Variants in ADAMTSL3 observed in about 807,000 individuals in gnomAD.
ADAMTSL3 encodes ADAMTS-like protein 3.
Under a neutral mutation model 201.7 loss-of-function variants are expected in ADAMTSL3, and 128 were observed. The ratio of observed to expected loss-of-function variants is 0.63; its 90% CI spans 0.55 to 0.73. The LOEUF is 0.73. Ranked by LOEUF, ADAMTSL3 falls within the 30% of genes least tolerant of loss-of-function variation. The pLI is 0.00. For missense variants in ADAMTSL3, 1,990 were observed against 2,119.6 expected (o/e 0.94, Z 1.20); for synonymous variants, 738 against 748.4 (o/e 0.99, Z 0.23).
At chr15:83,668,266 T>C (rs1366569952) in intron 2 of ADAMTSL3, among the ~76,000 whole-genome samples, 1 of 151,114 alleles carries the variant, frequency 6.6e-6, no homozygotes, top group African/African-American at 2.4e-5. Flanking sequence ...ACAGAAAATA[T>C]TCAACAATAT....
At chr15:83,890,349 C>T in intron 11 of ADAMTSL3, 102 bp downstream of exon 11, 1 of 1,443,208 alleles carries the variant, frequency 6.9e-7, no homozygotes, top group Non-Finnish European at 9.3e-7. Context: ...CATTTCCTGG[C>T]TTTGTCTACT....
At chr15:83,948,888 A>AT (rs1308817461) in intron 19 of ADAMTSL3, among the ~76,000 whole-genome samples, 35 of 152,206 alleles carry the variant, frequency 2.3e-4, no homozygotes, top group African/African-American at 8.2e-4. Context: ...TTGTGGGTAT[A>AT]TAGTAAATAT....
intron 2 of ADAMTSL3, among the ~76,000 whole-genome samples, chr15:83,673,605 C>T (rs759883816): frequency 2.0e-5 from 3 of 152,150 alleles, no homozygotes; most frequent in Non-Finnish European, 4.4e-5. Context: ...TAGATGTTAA[C>T]AGTTTTTTTT....
At chr15:83,708,601 C>G (rs1259034198) in intron 3 of ADAMTSL3, among the ~76,000 whole-genome samples, 1 of 152,206 alleles carries the variant, frequency 6.6e-6, no homozygotes, top group East Asian at 1.9e-4. Context: ...TTGCTTCTAC[C>G]ACTAATCAGC....
chr15:83,990,412 T>C (rs1010871596), intron 22 of ADAMTSL3, among the ~76,000 whole-genome samples: 1 of 152,222 alleles, frequency 6.6e-6, no homozygotes, highest in Non-Finnish European at 1.5e-5. Context: ...TCTGCACCCC[T>C]ACACCTTGTG....
At chr15:83,913,501 A>G (rs879737457) in intron 16 of ADAMTSL3, 123 bp downstream of exon 16, 1 of 968,310 alleles carries the variant, frequency 1.0e-6, no homozygotes, top group Non-Finnish European at 1.5e-6. Context: ...AGTCATTCAA[A>G]TAACTGAAAA....
In ADAMTSL3 at chr15:83,959,073, T is replaced by C. The variant is rs1389560016; in HGVS notation, c.2491-11411T>C. The stretch of plus-strand genomic sequence containing the variant: ...ACAGAACAAAACTTAATGGCTCAAA[T>C]TGCCATATTGAAAGGGCACTCTATA... On this transcript the variant is annotated intron_variant, in intron 19 of 29. Transcript: ENST00000286744. 4.6e-5 allele frequency among the ~76,000 whole-genome samples: 7 copies of C among 152,262 alleles called. No homozygotes were observed. The East Asian group carries it at 1.3e-3, about 29-fold the overall frequency.
intron 6 of ADAMTSL3, among the ~76,000 whole-genome samples, chr15:83,835,609 A>G (rs2064252729): frequency 6.6e-6 from 1 of 152,314 alleles, no homozygotes; most frequent in South Asian, 2.1e-4. Context: ...GCTCAGGGAC[A>G]TGAATGTGTG....
chr15:83,693,889 A>G (rs985945602), intron 2 of ADAMTSL3, among the ~76,000 whole-genome samples: 3 of 152,218 alleles, frequency 2.0e-5, no homozygotes, highest in Admixed American at 6.5e-5. Flanking sequence ...GTGAACCCCA[A>G]GAATTAACCT....
chr15:83,826,615 C>G (rs183038267), intron 6 of ADAMTSL3, among the ~76,000 whole-genome samples: 11 of 151,242 alleles, frequency 7.3e-5, no homozygotes, highest in African/African-American at 2.7e-4. Context: ...CACCCATTAA[C>G]TCGTCATTTA....
chr15:83,759,844 A>T (rs1234435870), intron 3 of ADAMTSL3, among the ~76,000 whole-genome samples: 1 of 152,160 alleles, frequency 6.6e-6, no homozygotes, highest in Non-Finnish European at 1.5e-5. Context: ...ATATTTCATA[A>T]TATGAAATAT....
At chr15:83,968,995 G>T (rs973562315) in intron 19 of ADAMTSL3, among the ~76,000 whole-genome samples, 2 of 152,102 alleles carry the variant, frequency 1.3e-5, no homozygotes, top group Non-Finnish European at 2.9e-5. Flanking sequence ...ACACACTGGG[G>T]CCTGTCAGGG....
At position 83,822,406 on chromosome 15, in the gene ADAMTSL3, T is replaced by C. The variant is rs1228200678; in HGVS notation, c.600+2359T>C. 5.0e-4 allele frequency among the ~76,000 whole-genome samples: 53 copies of C among 105,410 alleles called. 1 individual carries two copies. The highest frequency in any genetic ancestry group is 1.1e-3 in the African/African-American group (28 of 26,336). The allele number at this position is 105,410 out of a possible 152,430, so 69.2% of individuals were successfully genotyped here. A position where few individuals can be genotyped will look rare whatever the true frequency, so the allele number is the denominator to read the frequency against. On this transcript the variant is annotated intron_variant, in intron 6 of 29. Transcript: ENST00000286744. Reference sequence around the variant, plus strand: ...TCTCCTCACTTCTCAGACGGGGCGGTTGCCGGGCGGAGGGTCTCCTCACTT... The same window carrying C: ...TCTCCTCACTTCTCAGACGGGGCGGCTGCCGGGCGGAGGGTCTCCTCACTT...
chr15:83,658,674 C>A (rs1209584740), intron 2 of ADAMTSL3, among the ~76,000 whole-genome samples: 2 of 152,336 alleles, frequency 1.3e-5, no homozygotes, highest in East Asian at 3.9e-4. Context: ...GAGAAGACAG[C>A]AGCTGCTGTT....
chr15:83,864,870 G>A (rs62025820), intron 8 of ADAMTSL3, among the ~76,000 whole-genome samples: 31,573 of 152,000 alleles, frequency 0.21, 4,085 homozygotes, highest in Non-Finnish European at 0.28. Context: ...AAACCCCATC[G>A]TCTCAGCCCA....
chr15:83,748,649 C>CAAAAAAAAAAAAAAAAA, intron 3 of ADAMTSL3, among the ~76,000 whole-genome samples: 1 of 70,514 alleles, frequency 1.4e-5, no homozygotes, highest in Non-Finnish European at 2.6e-5. Flanking sequence ...GACCCTGTCT[C>CAAAAAAAAAAAAAAAAA]AAAAAAAAAA....
rs1465271600 is a variant in ADAMTSL3 at position 83,773,543 on chromosome 15, A to T, written c.210A>T (p.Ser70=). ...TCTAGACCTCAAGAAACACTCGTTC[A>T]GATGAAGACAAAGATGGCAACTGGG... ...YDDQTSRNTR[S]DEDKDGNWDA... is the part of the protein sequence containing the mutation. The change falls in exon 4 of 30, where the codon TCA becomes TCT. Residue 70 remains serine (S), a synonymous_variant. Coordinates refer to ENST00000286744, the MANE Select transcript of ADAMTSL3 (RefSeq NM_207517.3). 1 of 1,613,828 alleles carries T rather than the reference A, an allele frequency of 6.2e-7. No individual in the cohort carries two copies. The highest frequency in any genetic ancestry group is 8.5e-7 in the Non-Finnish European group (1 of 1,179,990).
intron 28 of ADAMTSL3, among the ~76,000 whole-genome samples, chr15:84,034,156 G>A (rs1218200722): frequency 1.3e-5 from 2 of 152,132 alleles, no homozygotes; most frequent in Non-Finnish European, 2.9e-5. Context: ...TTAGTATAGA[G>A]AGCTGTCGAG....
At chr15:83,973,086 C>A (rs1470009842) in intron 20 of ADAMTSL3, among the ~76,000 whole-genome samples, 1 of 152,180 alleles carries the variant, frequency 6.6e-6, no homozygotes, top group Non-Finnish European at 1.5e-5. Context: ...CGTTTCCTAA[C>A]ATCCAAGACA....
Sources: allele counts gnomAD v4.1 joint callset (sites outside exome capture counted in the v4.1 genomes callset), GRCh38; gene constraint gnomAD v4.1.1; transcripts MANE v1.5; gene names NCBI Gene and HGNC (gene_info 2026-07-23, HGNC 2026-07-21).